Variants in CELSR3 observed in about 807,000 individuals in gnomAD.
CELSR3 encodes the protein cadherin EGF LAG seven-pass G-type receptor 3, also known as EGF-like protein 1.
CELSR3 carries 73 observed loss-of-function variants against 270.0 expected under a neutral mutation model. The ratio of observed to expected loss-of-function variants is 0.27; its 90% CI spans 0.22 to 0.33. The LOEUF (loss-of-function observed/expected upper bound fraction) is 0.33. CELSR3 is among the 10% of genes least tolerant of loss of function. The pLI is 1.00. For missense variants in CELSR3, 3,614 were observed against 4,533.8 expected (o/e 0.80, Z 5.83); for synonymous variants, 1,780 against 1,905.4 (o/e 0.93, Z 1.71).
In CELSR3 at chr3:48,662,318, T is replaced by C. The variant is rs1271819011; in HGVS notation, c.317A>G (p.Asn106Ser). The C allele has an allele frequency of 6.2e-7, 1 of 1,613,040 alleles. No individual in the cohort carries two copies. The change falls in exon 1 of 35, where the codon AAT becomes AGT. Residue 106 changes from asparagine to serine, a missense_variant. Physicochemically the swap from Asn to Ser is conservative, Grantham distance 46. Coordinates refer to ENST00000164024, the MANE Select transcript of CELSR3 (RefSeq NM_001407.3). The surrounding 1 kb of genome is among the most constrained non-coding windows in gnomAD (Gnocchi z 7.1). Reference sequence around the variant, plus strand: ...GCCGTGTTCAATCCCCAGCTCCTCATTCGGCTGCTCAGGGGGCCCTCGACT... The same window carrying C: ...GCCGTGTTCAATCCCCAGCTCCTCACTCGGCTGCTCAGGGGGCCCTCGACT... Reference protein sequence around the residue: ...RNSRGPPEQPNEELGIEHGVQ... With the variant: ...RNSRGPPEQPSEELGIEHGVQ...
chr3:48,638,298 C>T, intron 34 of CELSR3, 66 bp from the exon 35 acceptor site: 2 of 1,220,546 alleles, frequency 1.6e-6, no homozygotes, highest in South Asian at 1.2e-5. Context: ...GCTCTGGACT[C>T]CCCCACCACA....
Position 48,662,329 on chromosome 3 carries a change from A to G in CELSR3, c.306T>C (p.Pro102=). 6.2e-7 allele frequency: 1 copy of G among 1,612,982 alleles called. No homozygotes were observed. The highest frequency in any genetic ancestry group is 8.5e-7 in the Non-Finnish European group (1 of 1,179,996). The stretch of plus-strand genomic sequence containing the variant: ...TCCCCAGCTCCTCATTCGGCTGCTC[A>G]GGGGGCCCTCGACTATTCCGGGCGC... ...RQSARNSRGP[P]EQPNEELGIE... The change falls in exon 1 of 35, where the codon CCT becomes CCC. Residue 102 remains proline (P), a synonymous_variant. Transcript: ENST00000164024. The surrounding 1 kb of genome is among the most constrained non-coding windows in gnomAD (Gnocchi z 7.1).
Position 48,646,868 on chromosome 3 carries a change from G to A in CELSR3, c.7190C>T (p.Ala2397Val). ...GATCCCAGGCTCTGGCTCTGGCGGGGCTGGTGGGGGGACCACACTTGAGGT... is the reference window on the plus strand; with the variant it reads ...GATCCCAGGCTCTGGCTCTGGCGGGACTGGTGGGGGGACCACACTTGAGGT... ...STTSSVVPPP[A>V]PPEPEPGISI... Residue 2397 changes from alanine to valine, a missense_variant, in exon 21 of 35, where the codon GCC (alanine) becomes GTC (valine). Around this residue, in one of 7 missense-constraint regions of CELSR3, gnomAD observed 1,240 missense variants for 1,351.7 expected, o/e 0.92. Coordinates refer to ENST00000164024, the MANE Select transcript of CELSR3 (RefSeq NM_001407.3). The surrounding 1 kb of genome is among the most constrained non-coding windows in gnomAD (Gnocchi z 4.8). The A allele has an allele frequency of 6.3e-7, 1 of 1,591,570 alleles. No homozygotes were observed. Among genetic ancestry groups the A allele is most frequent in the African/African-American group, 1.4e-5 (1 of 73,466 alleles).
rs140341250 is a variant in CELSR3, at chr3:48,659,087, C to T, written c.3548G>A (p.Arg1183His). The change falls in exon 1 of 35, where the codon CGT becomes CAT. Residue 1183 changes from arginine to histidine, a missense_variant. By Grantham distance (29) the Arg-to-His change is conservative. Transcript: ENST00000164024. The surrounding 1 kb of genome is among the most constrained non-coding windows in gnomAD (Gnocchi z 8.1). ...AATGCCCGACGGGAAGGTGTCTGAA[C>T]GGTTGGATACATAGTTGTTGAAGAG... ...QILFNNYVSN[R>H]SDTFPSGIIG... The T allele has an allele frequency of 4.8e-5, 78 of 1,614,158 alleles. No homozygotes were observed. Among genetic ancestry groups the T allele is most frequent in the African/African-American group, 3.9e-4 (29 of 75,010 alleles).
In CELSR3 at chr3:48,645,036, C is replaced by G. The variant is rs767495518; in HGVS notation, c.7971G>C (p.Leu2657=). 8.9e-6 allele frequency: 14 copies of G among 1,575,456 alleles called. No individual in the cohort carries two copies. In the South Asian group the frequency reaches 1.5e-4, roughly 17 times the overall value. Residue 2657 remains leucine (L), a splice_region_variant and synonymous_variant, in exon 25 of 35, where the codon CTG becomes CTC. Transcript: ENST00000164024. This position sits in a 1 kb window ranked among gnomAD's most constrained non-coding sequence, Gnocchi z 5.4. Reference sequence around the variant, plus strand: ...GAGGTTGGGGGTCACAGCCCTCACCCAGCAGCACAGCAGGGACGCCCCAGC... The same window carrying G: ...GAGGTTGGGGGTCACAGCCCTCACCGAGCAGCACAGCAGGGACGCCCCAGC... The part of the protein sequence containing the change: ...ALGWGVPAVL[L]GLAVGLDPEG...
rs765563781 is a variant in CELSR3 at position 48,661,984 on chromosome 3, G to A, written c.651C>T (p.Gly217=). 12 of 1,613,936 alleles carry A rather than the reference G, an allele frequency of 7.4e-6. No individual in the cohort carries two copies. The highest frequency in any genetic ancestry group is 1.6e-4 in the Middle Eastern group (1 of 6,062). Residue 217 remains glycine, a synonymous_variant, in exon 1 of 35, where the codon GGC becomes GGT. Transcript: ENST00000164024. The stretch of plus-strand genomic sequence containing the variant: ...CTGCTCCGGATGTCGTGGCTCTCTC[G>A]CCCTGACCCTTGCTCCCTGTTGCCC... ...ELWATGSKGQ[G]ERATTSGAER... is the part of the protein sequence containing the mutation.
intron 27 of CELSR3, 108 bp from the exon 28 acceptor site, chr3:48,643,785 A>T: frequency 7.5e-7 from 1 of 1,330,276 alleles, no homozygotes. Context: ...CGTGAAAAAA[A>T]GGAACTCACA....
Position 48,661,866 on chromosome 3 carries a change from C to G in CELSR3, c.769G>C (p.Ala257Pro). ...GACTCGCGGGGTGCTGAACCTGATG[C>G]AGGAGCTGTCCTCGCCGTGCGTGGT... The part of the protein sequence containing the change: ...SAPRTARTAP[A>P]SGSAPRESRT... Residue 257 changes from alanine to proline, a missense_variant, in exon 1 of 35, where the codon GCA (alanine) becomes CCA (proline). Physicochemically the swap from Ala to Pro is conservative, Grantham distance 27. Around this residue, in one of 7 missense-constraint regions of CELSR3, gnomAD observed 470 missense variants for 469.7 expected, o/e 1.00. Transcript: ENST00000164024. 3.1e-6 allele frequency: 5 copies of G among 1,610,904 alleles called. No individual in the cohort carries two copies. Among genetic ancestry groups the G allele is most frequent in the South Asian group, 1.1e-5 (1 of 90,970 alleles).
chr3:48,645,788 C>T lies in CELSR3; in HGVS notation c.7544G>A (p.Ser2515Asn), dbSNP rs2047077007. ...RNGSHARCRC[S>N]RTGTFGVLMD... ...GAGGACCCCAAAGGTCCCTGTCCGG[C>T]TGCAGCGACACCGTGCGTGGGACCC... Residue 2515 changes from serine (S) to asparagine (N), a missense_variant, in exon 23 of 35, where the codon AGC becomes AAC. This residue lies in a region of CELSR3 where 1,240 missense variants were observed against 1,351.7 expected (regional missense o/e 0.92). Transcript: ENST00000164024. This position sits in a 1 kb window ranked among gnomAD's most constrained non-coding sequence, Gnocchi z 5.4. The T allele has an allele frequency of 1.2e-6, 2 of 1,611,876 alleles. No individual in the cohort carries two copies. Among genetic ancestry groups the T allele is most frequent in the Non-Finnish European group, 1.7e-6 (2 of 1,179,416 alleles).
In CELSR3 at chr3:48,642,365, T is replaced by C. The variant is rs151064682; in HGVS notation, c.8658A>G (p.Arg2886=). ...CCCAGGCCCCAACTCCACCAGCATC[T>C]CGATGGAACATGGCCACGTCCAGGT... ...PTDLDVAMFH[R]DAGADSDSDS... is the part of the protein sequence containing the mutation. Residue 2886 remains arginine (R), a synonymous_variant, in exon 31 of 35, where the codon CGA becomes CGG. Coordinates refer to ENST00000164024, the MANE Select transcript of CELSR3 (RefSeq NM_001407.3). This position sits in a 1 kb window ranked among gnomAD's most constrained non-coding sequence, Gnocchi z 6.1. 4.2e-4 allele frequency: 675 copies of C among 1,612,330 alleles called. No homozygotes were observed. The highest frequency in any genetic ancestry group is 5.5e-4 in the Non-Finnish European group (648 of 1,179,534).
At position 48,645,204 on chromosome 3, in the gene CELSR3, C is replaced by T. The variant is rs1465222095; in HGVS notation, c.7803G>A (p.Val2601=). The T allele has an allele frequency of 2.5e-6, 4 of 1,573,166 alleles. No homozygotes were observed. Among genetic ancestry groups the T allele is most frequent in the Non-Finnish European group, 3.5e-6 (4 of 1,153,030 alleles). ...LGIHRTHNQL[V]CTAVAILLHY... Reference sequence around the variant, plus strand: ...GCAGGAGGATGGCGACTGCAGTGCACACCAGCTGAGGGCAGGGGGGCGTGT... The same window carrying T: ...GCAGGAGGATGGCGACTGCAGTGCATACCAGCTGAGGGCAGGGGGGCGTGT... Residue 2601 remains valine, a synonymous_variant, in exon 25 of 35, where the codon GTG becomes GTA. Transcript: ENST00000164024. The surrounding 1 kb of genome is among the most constrained non-coding windows in gnomAD (Gnocchi z 5.4).
chr3:48,641,780 A>C lies in CELSR3; in HGVS notation c.8824+71T>G. On this transcript the variant is annotated intron_variant, in intron 32 of 34. Transcript: ENST00000164024. The surrounding 1 kb of genome is among the most constrained non-coding windows in gnomAD (Gnocchi z 4.8). Reference sequence around the variant, plus strand: ...CCAGGATGAACCCCAACCGCAGGAAAGATGGGGAGCTGGAGGGATAACAAA... The same window carrying C: ...CCAGGATGAACCCCAACCGCAGGAACGATGGGGAGCTGGAGGGATAACAAA... 7.3e-7 allele frequency: 1 copy of C among 1,374,252 alleles called. No homozygotes were observed. 85.1% of individuals were successfully genotyped at this position (1,374,252 alleles called of 1,614,324 possible).
Position 48,651,834 on chromosome 3 carries a change from C to T in CELSR3, c.5923+43G>A, listed in dbSNP as rs375378480. The T allele has an allele frequency of 2.1e-5, 33 of 1,575,878 alleles. No homozygotes were observed. Among genetic ancestry groups the T allele is most frequent in the South Asian group, 1.7e-4 (14 of 84,212 alleles). On this transcript the variant is annotated intron_variant, in intron 12 of 34. Transcript: ENST00000164024. The surrounding 1 kb of genome is among the most constrained non-coding windows in gnomAD (Gnocchi z 7.4). ...CCCAGTCTTCATCATGGGCCCCTAA[C>T]GCCTGCCCAGGTCACCCTTCCCCCA...
rs763702953 is a variant in CELSR3 at position 48,659,449 on chromosome 3, G to A, written c.3186C>T (p.Asp1062=). Residue 1062 remains aspartate (D), a synonymous_variant, in exon 1 of 35, where the codon GAC becomes GAT. Transcript: ENST00000164024. The surrounding 1 kb of genome is among the most constrained non-coding windows in gnomAD (Gnocchi z 8.1). The part of the protein sequence containing the change: ...SIQVMVQDVN[D]NAPVFPAEEF... ...CCTCAGCTGGGAAGACAGGTGCATT[G>A]TCGTTCACATCCTGCACCATCACCT... The A allele has an allele frequency of 5.0e-6, 8 of 1,614,064 alleles. No individual in the cohort carries two copies. The South Asian group carries it at 8.8e-5, about 18-fold the overall frequency.
chr3:48,648,030 G>A, intron 19 of CELSR3, 34 bp from the exon 20 acceptor site: 1 of 1,608,356 alleles, frequency 6.2e-7, no homozygotes, highest in Non-Finnish European at 8.5e-7. Flanking sequence ...GGCCCATCAT[G>A]GACCTCTTCC....
Position 48,646,158 on chromosome 3 carries a change from T to G in CELSR3, c.7395A>C (p.Leu2465=), listed in dbSNP as rs144325241. ...LRGILESPIS[L]EFRLLQTANR... is the part of the protein sequence containing the mutation. ...TCGCTGTCTGTAGCAGGCGAAACTC[T>G]AGGCTGATGGGGGACTCCAGGATTC... The change falls in exon 22 of 35, where the codon CTA becomes CTC. Residue 2465 remains leucine, a synonymous_variant. Transcript: ENST00000164024. The surrounding 1 kb of genome is among the most constrained non-coding windows in gnomAD (Gnocchi z 4.8). 6.2e-7 allele frequency: 1 copy of G among 1,612,858 alleles called. No individual in the cohort carries two copies. Among genetic ancestry groups the G allele is most frequent in the Admixed American group, 1.7e-5 (1 of 60,010 alleles).
rs1287224506 is a variant in CELSR3, at chr3:48,638,150, G to A, written c.*55C>T. The A allele has an allele frequency of 1.9e-6, 3 of 1,541,596 alleles. No homozygotes were observed. Among genetic ancestry groups the A allele is most frequent in the African/African-American group, 1.4e-5 (1 of 73,476 alleles). ...TGCCCCCACTCCTGGAGTCTCTCCT[G>A]TTAGCCTAGATCCTCTGTCGCCCTC... On this transcript the variant is annotated 3_prime_UTR_variant, in exon 35 of 35. Coordinates refer to ENST00000164024, the MANE Select transcript of CELSR3 (RefSeq NM_001407.3).
At position 48,643,096 on chromosome 3, in the gene CELSR3, G is replaced by A. The variant is rs752496876; in HGVS notation, c.8290-13C>T. The A allele has an allele frequency of 7.0e-6, 11 of 1,567,732 alleles. No individual in the cohort carries two copies. Among genetic ancestry groups the A allele is most frequent in the Non-Finnish European group, 7.9e-6 (9 of 1,139,286 alleles). On this transcript the variant is annotated splice_polypyrimidine_tract_variant and intron_variant, in intron 28 of 34. Coordinates refer to ENST00000164024, the MANE Select transcript of CELSR3 (RefSeq NM_001407.3). The stretch of plus-strand genomic sequence containing the variant: ...GCACCGCCAGGCCCTGTGGGTCAGC[G>A]AGGGTCAAAGCAGAGTCGGCAGGGA...
chr3:48,655,998 G>A lies in CELSR3; in HGVS notation c.4625+142C>T. On this transcript the variant is annotated intron_variant, in intron 3 of 34. Coordinates refer to ENST00000164024, the MANE Select transcript of CELSR3 (RefSeq NM_001407.3). The surrounding 1 kb of genome is among the most constrained non-coding windows in gnomAD (Gnocchi z 5.8). ...GACCGACCGGGGGGACGCGGGTGCA[G>A]CGAGGTCAGGAGACCCCGGGCGGGG... is the stretch of plus-strand genomic sequence containing the variant. The A allele has an allele frequency of 1.8e-6, 2 of 1,128,822 alleles. No homozygotes were observed. Among genetic ancestry groups the A allele is most frequent in the Non-Finnish European group, 2.6e-6 (2 of 782,176 alleles). 69.9% of individuals were successfully genotyped at this position (1,128,822 alleles called of 1,614,324 possible).
Sources: gnomAD v4.1 joint callset for allele counts on GRCh38, gnomAD v4.1.1 for gene constraint, gnomAD v4.1.1 regional missense constraint, Gnocchi (gnomAD v3.1) non-coding constraint, MANE v1.5 for transcripts, NCBI Gene and HGNC (gene_info 2026-07-23, HGNC 2026-07-21) for gene names.